The following RREB1 variants were observed in gnomAD, a reference collection of about 807,000 sequenced individuals.
The protein encoded by RREB1 is ras responsive element binding protein 1.
In RREB1, 27 loss-of-function variants were observed where a neutral mutation model predicts 117.8. The observed-to-expected ratio is 0.23, with a 90% CI of 0.17 to 0.32. The LOEUF (loss-of-function observed/expected upper bound fraction) is 0.32, where lower values mean the gene tolerates loss of function less well. Ranked by LOEUF, RREB1 falls within the 10% of genes least tolerant of loss-of-function variation. The pLI is 1.00. For missense variants in RREB1, 2,577 were observed against 2,378.2 expected, an observed-to-expected ratio of 1.08 and a Z score of -1.74; for synonymous variants, 1,298 against 1,026.7, an observed-to-expected ratio of 1.26 and a Z score of -5.05.
intron 8 of RREB1, chr6:7,217,389 A>G (rs1156650797): frequency 1.3e-5 from 2 of 152,362 alleles, no homozygotes; most frequent in Non-Finnish European, 2.9e-5. Context: ...CTCGGCAGGT[A>G]TTTCGCAGGT....
chr6:7,141,071 C>T (rs933334999), intron 1 of RREB1, among the ~76,000 whole-genome samples: 4 of 152,246 alleles, frequency 2.6e-5, no homozygotes, highest in Admixed American at 2.6e-4. Context: ...TCTGTGCCCT[C>T]CTCAGGCTGG....
chr6:7,144,485 C>T (rs1762770938), intron 1 of RREB1, among the ~76,000 whole-genome samples: 1 of 152,192 alleles, frequency 6.6e-6, no homozygotes, highest in Non-Finnish European at 1.5e-5. Flanking sequence ...GAAACATGGT[C>T]TTATCCAAAG....
Position 7,229,926 on chromosome 6 carries a change from C to T in RREB1, c.1827C>T (p.Ser609=), listed in dbSNP as rs1561794844. ...TCATCGAGGCCCTGCTGCCGCTGAG[C>T]ATGGAGGCCAAGATCAAGCAGGAGA... The part of the protein sequence containing the change: ...DSIIEALLPL[S]MEAKIKQEIT... The change falls in exon 10 of 13, where the codon AGC becomes AGT. Residue 609 remains serine, a synonymous_variant. Transcript: ENST00000379938. The surrounding 1 kb of genome is among the most constrained non-coding windows in gnomAD (Gnocchi z 4.5). The T allele has an allele frequency of 6.3e-7, 1 of 1,599,112 alleles. No homozygotes were observed. The highest frequency in any genetic ancestry group is 1.7e-5 in the Admixed American group (1 of 59,434).
At chr6:7,158,288 A>G (rs1383892730) in intron 1 of RREB1, among the ~76,000 whole-genome samples, 1 of 151,976 alleles carries the variant, frequency 6.6e-6, no homozygotes. Context: ...GTTCAGGTTT[A>G]ACTTTCCCTC....
intron 1 of RREB1, among the ~76,000 whole-genome samples, chr6:7,161,236 C>T: frequency 6.6e-6 from 1 of 152,182 alleles, no homozygotes; most frequent in East Asian, 1.9e-4. Flanking sequence ...GCTTATGACA[C>T]GTCCCTCTAT....
intron 6 of RREB1, among the ~76,000 whole-genome samples, chr6:7,210,475 A>G (rs1244247809): frequency 1.3e-5 from 2 of 152,230 alleles, no homozygotes; most frequent in African/African-American, 2.4e-5. Context: ...ATAGAATTCC[A>G]TGTCCTAAAA....
intron 10 of RREB1, among the ~76,000 whole-genome samples, chr6:7,236,426 C>A (rs937040836): frequency 6.6e-6 from 1 of 152,200 alleles, no homozygotes; most frequent in East Asian, 1.9e-4. Flanking sequence ...GTCAGTGAGT[C>A]ATCCAAACCT....
intron 1 of RREB1, among the ~76,000 whole-genome samples, chr6:7,130,848 C>T (rs1042588548): frequency 6.6e-6 from 1 of 151,774 alleles, no homozygotes; most frequent in Non-Finnish European, 1.5e-5. Flanking sequence ...AACTTCTGAC[C>T]TCATGATCCA....
chr6:7,134,838 C>T (rs1312023784), intron 1 of RREB1, among the ~76,000 whole-genome samples: 1 of 152,144 alleles, frequency 6.6e-6, no homozygotes, highest in Non-Finnish European at 1.5e-5. Context: ...AGTTCTGAAC[C>T]GCAAGTGGAG....
chr6:7,210,434 A>G (rs1766518312), intron 6 of RREB1, among the ~76,000 whole-genome samples: 1 of 152,196 alleles, frequency 6.6e-6, no homozygotes, highest in South Asian at 2.1e-4. Context: ...AACTAGTGGA[A>G]CAGTTTAGGT....
intron 6 of RREB1, among the ~76,000 whole-genome samples, chr6:7,196,127 T>A (rs948172942): frequency 4.0e-5 from 6 of 151,496 alleles, no homozygotes; most frequent in Non-Finnish European, 7.4e-5. Context: ...GTGTGCACAC[T>A]CTTCCAGATG....
intron 5 of RREB1, 66 bp from the exon 6 acceptor site, chr6:7,189,093 A>T: frequency 2.1e-6 from 3 of 1,453,460 alleles, no homozygotes; most frequent in South Asian, 2.7e-5. Flanking sequence ...CTGGATCTGC[A>T]TTTCCTAAGA....
chr6:7,142,562 G>C (rs569476439), intron 1 of RREB1, among the ~76,000 whole-genome samples: 26 of 152,262 alleles, frequency 1.7e-4, no homozygotes, highest in African/African-American at 6.0e-4. Context: ...TGCTGAGTGT[G>C]CCCTGCCTTA....
At chr6:7,123,834 A>G (rs1003569827) in intron 1 of RREB1, among the ~76,000 whole-genome samples, 2 of 151,514 alleles carry the variant, frequency 1.3e-5, no homozygotes, top group African/African-American at 4.9e-5. Flanking sequence ...GATGGTCTCA[A>G]TCTCCTGACC....
chr6:7,189,194 C>T lies in RREB1; in HGVS notation c.297C>T (p.Cys99=). The T allele has an allele frequency of 6.2e-7, 1 of 1,613,656 alleles. No individual in the cohort carries two copies. Residue 99 remains cysteine (C), a synonymous_variant, in exon 6 of 13, where the codon TGC becomes TGT. Coordinates refer to ENST00000379938, the MANE Select transcript of RREB1 (RefSeq NM_001003699.4). ...NTDTGGADHS[C]SICGKSLSSA... ...ACACTGGAGGAGCCGACCACTCATG[C>T]AGCATCTGCGGAAAGTCACTGAGCT...
intron 10 of RREB1, among the ~76,000 whole-genome samples, chr6:7,238,740 GGATTTCTGGGTGTCT>G (rs1768501567): frequency 6.6e-6 from 1 of 152,142 alleles, no homozygotes; most frequent in Non-Finnish European, 1.5e-5. Context: ...CACACAGGCC[GGATTTCTGGGTGTCT>G]GATTCTGCCC....
chr6:7,203,708 A>G (rs1431213965), intron 6 of RREB1, among the ~76,000 whole-genome samples: 2 of 152,220 alleles, frequency 1.3e-5, no homozygotes, highest in East Asian at 1.9e-4. Flanking sequence ...AACTATCCTT[A>G]TACTGGCTCC....
chr6:7,233,952 T>G (rs1039376382), intron 10 of RREB1, among the ~76,000 whole-genome samples: 17 of 152,162 alleles, frequency 1.1e-4, no homozygotes, highest in Non-Finnish European at 1.9e-4. Flanking sequence ...GCTGCACTGG[T>G]CACCAGAGCT....
chr6:7,158,360 C>G (rs1763484338), intron 1 of RREB1, among the ~76,000 whole-genome samples: 1 of 152,138 alleles, frequency 6.6e-6, no homozygotes, highest in Non-Finnish European at 1.5e-5. Flanking sequence ...ATACCATGTT[C>G]AAACAGGTTT....
Sources: allele counts gnomAD v4.1 joint callset (sites outside exome capture counted in the v4.1 genomes callset), GRCh38; gene constraint gnomAD v4.1.1; non-coding constraint Gnocchi (gnomAD v3.1); transcripts MANE v1.5; gene names NCBI Gene and HGNC (gene_info 2026-07-23, HGNC 2026-07-21).